Variants in VAC14 observed in about 807,000 individuals in gnomAD.
VAC14 encodes the protein VAC14 component of PIKFYVE complex.
VAC14 carries 47 observed loss-of-function variants against 85.3 expected under a neutral mutation model. The observed-to-expected ratio is 0.55, with a 90% CI of 0.44 to 0.70. VAC14 has a LOEUF of 0.70. VAC14 is among the 30% of genes least tolerant of loss of function. The pLI is 0.00. For missense variants in VAC14, 861 were observed against 1,004.3 expected, an observed-to-expected ratio of 0.86 and a Z score of 1.93; for synonymous variants, 447 against 430.5, an observed-to-expected ratio of 1.04 and a Z score of -0.47.
chr16:70,726,292 A>AGCCGG (rs1321387437), intron 14 of VAC14, among the ~76,000 whole-genome samples: 12 of 152,202 alleles, frequency 7.9e-5, no homozygotes, highest in Non-Finnish European at 1.5e-4. Flanking sequence ...GTTTTAGCGG[A>AGCCGG]GCCGGGCCGG....
chr16:70,794,980 T>G lies in VAC14; in HGVS notation c.104+5817A>C, dbSNP rs373874714. Among the ~76,000 whole-genome samples the G allele has an allele frequency of 9.2e-5, 14 of 152,348 alleles. No individual in the cohort carries two copies. In the South Asian group the frequency reaches 2.9e-3, roughly 32 times the overall value. ...ATACTATTTCTATGTTCAGATATAT[T>G]GGGGTACACACATACCACTGTGTTA... is the stretch of plus-strand genomic sequence containing the variant. On this transcript the variant is annotated intron_variant, in intron 1 of 18. Transcript: ENST00000261776.
intron 1 of VAC14, among the ~76,000 whole-genome samples, chr16:70,792,752 A>G (rs1483869720): frequency 6.6e-6 from 1 of 152,112 alleles, no homozygotes; most frequent in African/African-American, 2.4e-5. Context: ...CAGCCACAGG[A>G]CCCCTTAGCT....
chr16:70,713,305 G>A (rs1286963596), intron 14 of VAC14, among the ~76,000 whole-genome samples: 1 of 152,236 alleles, frequency 6.6e-6, no homozygotes, highest in Admixed American at 6.5e-5. Flanking sequence ...TGCGCGAACA[G>A]CCTGGCTATG....
intron 14 of VAC14, among the ~76,000 whole-genome samples, chr16:70,720,999 G>T (rs1427925480): frequency 6.6e-6 from 1 of 152,224 alleles, no homozygotes; most frequent in East Asian, 1.9e-4. Flanking sequence ...CTTCAAAGAG[G>T]CCAAAGTGGA....
In VAC14 at chr16:70,801,064, C is replaced by G; in HGVS notation, c.-164G>C. The G allele has an allele frequency of 2.1e-6, 1 of 486,948 alleles. No individual in the cohort carries two copies. 30.2% of individuals were successfully genotyped at this position (486,948 alleles called of 1,614,324 possible). On this transcript the variant is annotated 5_prime_UTR_variant, in exon 1 of 19. Coordinates refer to ENST00000261776, the MANE Select transcript of VAC14 (RefSeq NM_018052.5). ...CGCCGCCTCGCCCTGGAACCCGGGC[C>G]CGGACCCCGCTCCAGCACACCTGAC...
rs2142993359 is a variant in VAC14 at position 70,703,848 on chromosome 16, G to C, written c.1662-5037C>G. 2.0e-5 allele frequency among the ~76,000 whole-genome samples: 3 copies of C among 152,334 alleles called. No individual in the cohort carries two copies. The South Asian group carries it at 6.2e-4, about 32-fold the overall frequency. ...TTAAGAACTGAGACTACACAGCCTT[G>C]CCCATGAACATTCCCTTTGGGGCAG... On this transcript the variant is annotated intron_variant, in intron 14 of 18. Coordinates refer to ENST00000261776, the MANE Select transcript of VAC14 (RefSeq NM_018052.5).
chr16:70,702,168 C>T (rs1029149159), intron 14 of VAC14, among the ~76,000 whole-genome samples: 3 of 152,246 alleles, frequency 2.0e-5, no homozygotes, highest in African/African-American at 7.2e-5. Flanking sequence ...CCTTTTTGTG[C>T]TGTGCAAACA....
At chr16:70,797,758 T>G (rs1179360497) in intron 1 of VAC14, among the ~76,000 whole-genome samples, 1 of 152,166 alleles carries the variant, frequency 6.6e-6, no homozygotes, top group Non-Finnish European at 1.5e-5. Context: ...ATCTTCTTGG[T>G]GCTGTTCTTG....
Position 70,756,149 on chromosome 16 carries a change from G to A in VAC14, c.1371+6391C>T, listed in dbSNP as rs549402696. The A allele has an allele frequency of 6.9e-4, 313 of 454,990 alleles. 5 individuals carry two copies. Among genetic ancestry groups the A allele is most frequent in the South Asian group, 4.7e-3 (303 of 64,256 alleles). The allele number at this position is 454,990 out of a possible 1,614,324, so 28.2% of individuals were successfully genotyped here. A position where few individuals can be genotyped will look rare whatever the true frequency, so the allele number is the denominator to read the frequency against. ...CTGGAGAAGGAAAGGGGCACGCTGG[G>A]GTGATACACAGGGCTGCTTCTGCCC... is the stretch of plus-strand genomic sequence containing the variant. On this transcript the variant is annotated intron_variant, in intron 12 of 18. Transcript: ENST00000261776.
intron 12 of VAC14, among the ~76,000 whole-genome samples, chr16:70,756,374 C>A (rs1030559030): frequency 6.6e-6 from 1 of 152,224 alleles, no homozygotes; most frequent in African/African-American, 2.4e-5. Flanking sequence ...CCTTTCAGAT[C>A]TCTGAACCTC....
chr16:70,690,755 G>A (rs1411427386), intron 18 of VAC14: 1 of 985,506 alleles, frequency 1.0e-6, no homozygotes, highest in Non-Finnish European at 1.2e-6. Context: ...GCCGTCCTCT[G>A]GGCCCCACCC....
chr16:70,779,571 G>T (rs544104987), intron 9 of VAC14, among the ~76,000 whole-genome samples: 4 of 152,244 alleles, frequency 2.6e-5, no homozygotes, highest in African/African-American at 9.6e-5. Context: ...TGGAGCACAA[G>T]GACTTTGTCT....
intron 12 of VAC14, among the ~76,000 whole-genome samples, chr16:70,760,503 T>C (rs1379378389): frequency 6.6e-6 from 1 of 152,052 alleles, no homozygotes; most frequent in Admixed American, 6.5e-5. Flanking sequence ...AAATCCCTCC[T>C]CTAGACAGAA....
intron 2 of VAC14, 115 bp downstream of exon 2, chr16:70,786,100 T>C: frequency 6.7e-7 from 1 of 1,491,606 alleles, no homozygotes; most frequent in South Asian, 1.3e-5. Flanking sequence ...GACAGAGTGG[T>C]AATAAAACAT....
At chr16:70,784,884 G>A (rs767084695) in intron 3 of VAC14, 46 bp from the exon 4 acceptor site, 33 of 1,557,732 alleles carry the variant, frequency 2.1e-5, no homozygotes, top group Admixed American at 1.2e-4. Flanking sequence ...CGAGGGTCAC[G>A]GTTGGATGCA....
chr16:70,688,491 C>T (rs2053540836), intron 18 of VAC14: 1 of 989,984 alleles, frequency 1.0e-6, no homozygotes, highest in African/African-American at 1.7e-5. Flanking sequence ...GCAGCTTGGC[C>T]CTTTCTCTGA....
chr16:70,687,812 G>GGGCCT lies in VAC14; in HGVS notation c.*115_*116insAGGCC. The GGGCCT allele has an allele frequency of 8.5e-7, 1 of 1,177,828 alleles. No homozygotes were observed. Among genetic ancestry groups the GGGCCT allele is most frequent in the Admixed American group, 4.0e-5 (1 of 25,218 alleles). 73.0% of individuals were successfully genotyped at this position (1,177,828 alleles called of 1,614,324 possible). A position where few individuals can be genotyped will look rare whatever the true frequency, so the allele number is the denominator to read the frequency against. On this transcript the variant is annotated 3_prime_UTR_variant, in exon 19 of 19. Coordinates refer to ENST00000261776, the MANE Select transcript of VAC14 (RefSeq NM_018052.5). The stretch of plus-strand genomic sequence containing the variant: ...AGCCTCCGGCCCCAACACTGCCCTG[G>GGGCCT]GTTGGCAGGCCCAGCCCTGGTCCTG...
At chr16:70,705,149 G>C (rs1321191406) in intron 14 of VAC14, among the ~76,000 whole-genome samples, 1 of 152,204 alleles carries the variant, frequency 6.6e-6, no homozygotes, top group Non-Finnish European at 1.5e-5. Flanking sequence ...CCCAGTGACT[G>C]TTAGGACGCT....
chr16:70,791,667 G>A (rs997483378), intron 1 of VAC14, among the ~76,000 whole-genome samples: 1 of 152,212 alleles, frequency 6.6e-6, no homozygotes, highest in Non-Finnish European at 1.5e-5. Context: ...TTATAGGCAT[G>A]AGCCACCATG....
Sources: allele counts gnomAD v4.1 joint callset (sites outside exome capture counted in the v4.1 genomes callset), GRCh38; gene constraint gnomAD v4.1.1; transcripts MANE v1.5; gene names NCBI Gene and HGNC (gene_info 2026-07-23, HGNC 2026-07-21).